CCBE1: variants seen among roughly 807,000 people sequenced by gnomAD.
CCBE1 encodes the protein collagen and calcium binding EGF domains 1.
In CCBE1, 37 loss-of-function variants were observed where a neutral mutation model predicts 50.0. The ratio of observed to expected loss-of-function variants is 0.74; its 90% confidence interval spans 0.57 to 0.97. The LOEUF (loss-of-function observed/expected upper bound fraction) is 0.97, where lower values mean the gene tolerates loss of function less well. Ranked by LOEUF, CCBE1 falls within the 50% of genes least tolerant of loss-of-function variation. The pLI, the probability that CCBE1 is intolerant of heterozygous loss-of-function variation, is 0.00. For missense variants in CCBE1, 538 were observed against 523.8 expected (o/e 1.03, Z -0.26); for synonymous variants, 234 against 203.7 (o/e 1.15, Z -1.27).
At chr18:59,613,267 C>CGT (rs1352226802) in intron 2 of CCBE1, among the ~76,000 whole-genome samples, 1 of 152,014 alleles carries the variant, frequency 6.6e-6, no homozygotes, top group Non-Finnish European at 1.5e-5. Flanking sequence ...CCAGTTAAGC[C>CGT]GTGTCAAGGT....
intron 2 of CCBE1, among the ~76,000 whole-genome samples, chr18:59,607,115 G>A (rs1323786611): frequency 3.3e-5 from 5 of 149,810 alleles, no homozygotes; most frequent in African/African-American, 7.4e-5. Context: ...TCCAATCAAA[G>A]GAAAGCATGG....
At position 59,607,060 on chromosome 18, in the gene CCBE1, A is replaced by G. The variant is rs1024530221; in HGVS notation, c.212+89569T>C. On this transcript the variant is annotated intron_variant, in intron 2 of 10. Coordinates refer to ENST00000439986, the MANE Select transcript of CCBE1 (RefSeq NM_133459.4). ...CATAAAAGGTGTGTTGAATTGGGAA[A>G]AAAAAAAAAAAAAAAAGCACACAAG... Among the ~76,000 whole-genome samples, 51 of 60,358 alleles carry G rather than the reference A, an allele frequency of 8.4e-4. 1 individual carries two copies. The East Asian group carries it at 0.051, about 60-fold the overall frequency. 39.6% of individuals were successfully genotyped at this position (60,358 alleles called of 152,430 possible).
At chr18:59,580,481 G>T (rs1169722318) in intron 2 of CCBE1, among the ~76,000 whole-genome samples, 1 of 152,216 alleles carries the variant, frequency 6.6e-6, no homozygotes, top group African/African-American at 2.4e-5. Context: ...TGTGTCATGG[G>T]CATGAGTCCT....
chr18:59,526,161 A>C (rs1466001856), intron 2 of CCBE1, among the ~76,000 whole-genome samples: 4 of 152,108 alleles, frequency 2.6e-5, no homozygotes. Context: ...TTGAATTTAT[A>C]AATTGATTTT....
At chr18:59,687,822 G>T (rs570727334) in intron 2 of CCBE1, among the ~76,000 whole-genome samples, 34 of 152,246 alleles carry the variant, frequency 2.2e-4, no homozygotes, top group Admixed American at 5.2e-4. Context: ...TTAGCTGGGC[G>T]TGGTGGCACA....
chr18:59,455,439 C>T (rs180957155), intron 5 of CCBE1, among the ~76,000 whole-genome samples: 62 of 152,256 alleles, frequency 4.1e-4, no homozygotes, highest in African/African-American at 1.4e-3. Context: ...ACCTCACCGA[C>T]GCGTGAGGCC....
intron 2 of CCBE1, among the ~76,000 whole-genome samples, chr18:59,648,064 GAA>G (rs776266934): frequency 3.3e-5 from 5 of 152,212 alleles, no homozygotes; most frequent in Non-Finnish European, 7.3e-5. Context: ...GTCAAAATGA[GAA>G]AAGTGTATGA....
chr18:59,597,625 G>C (rs1251206041), intron 2 of CCBE1, among the ~76,000 whole-genome samples: 1 of 152,178 alleles, frequency 6.6e-6, no homozygotes, highest in Non-Finnish European at 1.5e-5. Context: ...AAAAGTAGCA[G>C]TAAAGTGTTC....
At chr18:59,595,309 G>A (rs1166968549) in intron 2 of CCBE1, among the ~76,000 whole-genome samples, 1 of 151,656 alleles carries the variant, frequency 6.6e-6, no homozygotes, top group Non-Finnish European at 1.5e-5. Context: ...ACCTCTGTGG[G>A]TCCCAGTGTC....
At chr18:59,650,961 G>A (rs1391869056) in intron 2 of CCBE1, among the ~76,000 whole-genome samples, 4 of 152,014 alleles carry the variant, frequency 2.6e-5, no homozygotes, top group Admixed American at 1.3e-4. Flanking sequence ...CAGACAGACT[G>A]TGGCATAGCC....
At chr18:59,538,376 A>G (rs1915334245) in intron 2 of CCBE1, among the ~76,000 whole-genome samples, 1 of 152,186 alleles carries the variant, frequency 6.6e-6, no homozygotes, top group Admixed American at 6.6e-5. Flanking sequence ...GAGCTCCATT[A>G]AACAGTTTTG....
At position 59,469,399 on chromosome 18, in the gene CCBE1, G is replaced by T. The variant is rs1270817871; in HGVS notation, c.400+74C>A. ...CATCCAACAAGTATGAGAACTGAAG[G>T]GTCCAACCAAGGACAGAACCATCTG... On this transcript the variant is annotated intron_variant, in intron 4 of 10. Coordinates refer to ENST00000439986, the MANE Select transcript of CCBE1 (RefSeq NM_133459.4). The T allele has an allele frequency of 2.5e-6, 4 of 1,590,080 alleles. No homozygotes were observed. The African/African-American group carries it at 5.4e-5, about 21-fold the overall frequency.
intron 2 of CCBE1, among the ~76,000 whole-genome samples, chr18:59,692,356 G>A (rs1378373867): frequency 6.6e-6 from 1 of 152,170 alleles, no homozygotes; most frequent in Non-Finnish European, 1.5e-5. Flanking sequence ...TCATTTTACA[G>A]ATGAGAAAAT....
At chr18:59,630,056 C>T (rs139815315) in intron 2 of CCBE1, among the ~76,000 whole-genome samples, 2 of 152,158 alleles carry the variant, frequency 1.3e-5, no homozygotes, top group Non-Finnish European at 2.9e-5. Context: ...TCTACTGGCT[C>T]GCCAAGATCC....
chr18:59,468,452 G>C (rs1056065425), intron 4 of CCBE1, among the ~76,000 whole-genome samples: 2 of 152,130 alleles, frequency 1.3e-5, no homozygotes, highest in Non-Finnish European at 2.9e-5. Flanking sequence ...TTGTGCCTGG[G>C]ACCTGAGCCT....
intron 2 of CCBE1, among the ~76,000 whole-genome samples, chr18:59,562,373 C>A (rs2052752138): frequency 6.6e-6 from 1 of 152,106 alleles, no homozygotes; most frequent in South Asian, 2.1e-4. Context: ...GGAGGGTAAT[C>A]CTCTCCCACC....
intron 2 of CCBE1, among the ~76,000 whole-genome samples, chr18:59,645,122 C>T (rs776668629): frequency 1.3e-5 from 2 of 151,962 alleles, no homozygotes; most frequent in Non-Finnish European, 2.9e-5. Context: ...GGTGTGGTGG[C>T]ACACGCCTGT....
intron 2 of CCBE1, among the ~76,000 whole-genome samples, chr18:59,562,689 G>T (rs891646085): frequency 1.4e-4 from 21 of 152,164 alleles, no homozygotes; most frequent in Non-Finnish European, 2.9e-4. Context: ...CCTAGTTCTG[G>T]CTGGGGTCAA....
chr18:59,599,203 A>AG (rs1286820513), intron 2 of CCBE1, among the ~76,000 whole-genome samples: 1 of 152,192 alleles, frequency 6.6e-6, no homozygotes, highest in Non-Finnish European at 1.5e-5. Flanking sequence ...GAAAAGAGGA[A>AG]GAAAGGAGAG....
Sources: gnomAD v4.1 joint callset for allele counts (sites outside exome capture counted in the v4.1 genomes callset) on GRCh38, gnomAD v4.1.1 for gene constraint, MANE v1.5 for transcripts, NCBI Gene and HGNC (gene_info 2026-07-23, HGNC 2026-07-21) for gene names.